Variants in SLC7A1 observed in about 807,000 individuals in gnomAD.
SLC7A1 encodes the protein solute carrier family 7 member 1.
Under a neutral mutation model 53.9 loss-of-function variants are expected in SLC7A1, and 10 were observed. That is an observed-to-expected ratio of 0.19 (90% CI 0.11 to 0.31). The LOEUF is 0.31. Among genes scored for constraint, SLC7A1 ranks in the 10% least tolerant of loss-of-function variants. The pLI, the probability that SLC7A1 is intolerant of heterozygous loss-of-function variation, is 1.00. For synonymous variants in SLC7A1, 342 were observed against 338.7 expected (o/e 1.01, Z -0.11); for missense variants, 525 against 827.2 (o/e 0.63, Z 4.48).
At chr13:29,569,638 AC>A (rs1871113130) in intron 1 of SLC7A1, among the ~76,000 whole-genome samples, 1 of 152,204 alleles carries the variant, frequency 6.6e-6, no homozygotes, top group South Asian at 2.1e-4. Flanking sequence ...AAGAGTACCC[AC>A]AGTGAGTCTA....
intron 6 of SLC7A1, 61 bp from the exon 7 acceptor site, chr13:29,523,549 A>G (rs2139080112): frequency 1.6e-6 from 2 of 1,286,476 alleles, no homozygotes; most frequent in East Asian, 2.4e-5. Context: ...ATCTGCCCAC[A>G]TGACACCCAA....
chr13:29,580,637 G>A (rs907850326), intron 1 of SLC7A1, among the ~76,000 whole-genome samples: 10 of 152,172 alleles, frequency 6.6e-5, no homozygotes, highest in Admixed American at 6.5e-4. Flanking sequence ...CCAGCAAGGT[G>A]ATGAGTGCTA....
In SLC7A1 at chr13:29,514,290, A is replaced by C. The variant is rs1338125658; in HGVS notation, c.*190T>G. 2 of 589,498 alleles carry C rather than the reference A, an allele frequency of 3.4e-6. No homozygotes were observed. Among genetic ancestry groups the C allele is most frequent in the Admixed American group, 5.7e-5 (2 of 35,088 alleles). The allele number at this position is 589,498 out of a possible 1,614,324, so 36.5% of individuals were successfully genotyped here. ...GCCAGGCAGCTGTCTGGAGGTGACCAGGGCCCGGAGAACCGGCTGCAGAGC... is the reference window on the plus strand; with the variant it reads ...GCCAGGCAGCTGTCTGGAGGTGACCCGGGCCCGGAGAACCGGCTGCAGAGC... On this transcript the variant is annotated 3_prime_UTR_variant, in exon 13 of 13. Transcript: ENST00000380752.
At chr13:29,518,546 C>T (rs9579383) in intron 9 of SLC7A1, among the ~76,000 whole-genome samples, 10,616 of 152,088 alleles carry the variant, frequency 0.07, 464 homozygotes, top group Middle Eastern at 0.16. Flanking sequence ...TTGTGCAACC[C>T]CACTCGGTCA....
Position 29,568,838 on chromosome 13 carries a change from G to A in SLC7A1, c.-114-14978C>T, listed in dbSNP as rs535131224. 5.9e-4 allele frequency among the ~76,000 whole-genome samples: 90 copies of A among 152,272 alleles called. 1 individual carries two copies. The highest frequency in any genetic ancestry group is 1.8e-3 in the Admixed American group (27 of 15,298). ...CACTTGCTTGATAAGCCCTGATCAA[G>A]TCCGTCCCTTTATTTTACCACAGGG... On this transcript the variant is annotated intron_variant, in intron 1 of 12. Transcript: ENST00000380752.
At chr13:29,593,629 T>C (rs1872194012) in intron 1 of SLC7A1, among the ~76,000 whole-genome samples, 1 of 152,264 alleles carries the variant, frequency 6.6e-6, no homozygotes, top group African/African-American at 2.4e-5. Flanking sequence ...TCTATTTGTA[T>C]GGACTTTGGT....
At chr13:29,548,728 T>C (rs1424881079) in intron 2 of SLC7A1, among the ~76,000 whole-genome samples, 4 of 152,242 alleles carry the variant, frequency 2.6e-5, no homozygotes, top group Non-Finnish European at 5.9e-5. Context: ...CCAACTAATA[T>C]AACACCTTTG....
chr13:29,565,269 G>A (rs1870919154), intron 1 of SLC7A1, among the ~76,000 whole-genome samples: 4 of 152,184 alleles, frequency 2.6e-5, no homozygotes, highest in Admixed American at 2.6e-4. Context: ...TAAGAGAGCT[G>A]CTCATGAAGA....
chr13:29,518,965 A>T (rs1468834626), intron 9 of SLC7A1, among the ~76,000 whole-genome samples: 2 of 152,092 alleles, frequency 1.3e-5, no homozygotes, highest in Non-Finnish European at 2.9e-5. Flanking sequence ...GTCTCTGAAC[A>T]TCAACCTAGG....
intron 4 of SLC7A1, 81 bp from the exon 5 acceptor site, chr13:29,530,793 G>A (rs981186427): frequency 3.0e-5 from 36 of 1,206,278 alleles, no homozygotes; most frequent in Non-Finnish European, 4.1e-5. Context: ...GGGATAAGAA[G>A]GCGACTGAAA....
intron 11 of SLC7A1, among the ~76,000 whole-genome samples, chr13:29,516,548 A>G (rs1348459874): frequency 6.6e-6 from 1 of 152,246 alleles, no homozygotes; most frequent in Non-Finnish European, 1.5e-5. Flanking sequence ...AGAAAGGACT[A>G]GAAGACGGAC....
At chr13:29,555,774 T>C (rs1169471902) in intron 1 of SLC7A1, among the ~76,000 whole-genome samples, 1 of 152,230 alleles carries the variant, frequency 6.6e-6, no homozygotes, top group African/African-American at 2.4e-5. Flanking sequence ...AAAACTTGTA[T>C]TCGTCACCAA....
chr13:29,517,421 G>T, intron 10 of SLC7A1, 111 bp from the exon 11 acceptor site: 1 of 1,283,204 alleles, frequency 7.8e-7, no homozygotes, highest in Non-Finnish European at 1.1e-6. Flanking sequence ...ATTTCCGAAG[G>T]CACAACTACA....
intron 1 of SLC7A1, among the ~76,000 whole-genome samples, chr13:29,582,227 T>C (rs756277508): frequency 6.6e-6 from 1 of 152,236 alleles, no homozygotes; most frequent in Non-Finnish European, 1.5e-5. Flanking sequence ...TTCTTCCCTC[T>C]CTTCCATGGG....
At chr13:29,562,618 C>A (rs948204008) in intron 1 of SLC7A1, among the ~76,000 whole-genome samples, 1 of 152,132 alleles carries the variant, frequency 6.6e-6, no homozygotes, top group African/African-American at 2.4e-5. Flanking sequence ...TGAACCTGGC[C>A]AACTAACATA....
intron 1 of SLC7A1, among the ~76,000 whole-genome samples, chr13:29,585,890 T>C (rs1871859061): frequency 6.6e-6 from 1 of 152,106 alleles, no homozygotes; most frequent in Non-Finnish European, 1.5e-5. Flanking sequence ...TAACTATCCA[T>C]TAGAAACCAG....
intron 1 of SLC7A1, among the ~76,000 whole-genome samples, chr13:29,567,469 C>T (rs1308407475): frequency 6.6e-5 from 10 of 152,196 alleles, no homozygotes; most frequent in Admixed American, 6.5e-4. Context: ...AAAAAGTCAT[C>T]CGGGAGGATA....
intron 1 of SLC7A1, among the ~76,000 whole-genome samples, chr13:29,573,578 T>C (rs1871288386): frequency 6.6e-6 from 1 of 152,128 alleles, no homozygotes; most frequent in Admixed American, 6.5e-5. Context: ...CAAAAGACAA[T>C]GTGACTGGAT....
At chr13:29,522,293 T>C (rs200845749) in intron 8 of SLC7A1, 24 bp downstream of exon 8, 83 of 1,612,706 alleles carry the variant, frequency 5.1e-5, no homozygotes, top group Middle Eastern at 4.9e-4. Context: ...AACATTTCCA[T>C]GTGAAATGAG....
Sources: gnomAD v4.1 joint callset for allele counts (sites outside exome capture counted in the v4.1 genomes callset) on GRCh38, gnomAD v4.1.1 for gene constraint, MANE v1.5 for transcripts, NCBI Gene and HGNC (gene_info 2026-07-23, HGNC 2026-07-21) for gene names.